The following ERBB4 variants were observed in gnomAD, a reference collection of about 807,000 sequenced individuals.
ERBB4 encodes erb-b2 receptor tyrosine kinase 4, also known as receptor tyrosine-protein kinase erbB-4.
A neutral mutation model predicts 158.0 loss-of-function variants in ERBB4; 42 were observed. The observed-to-expected ratio is 0.27, with a 90% CI of 0.21 to 0.34. The LOEUF (loss-of-function observed/expected upper bound fraction) is 0.34. Ranked by LOEUF, ERBB4 falls within the 10% of genes least tolerant of loss-of-function variation. The pLI is 1.00. For missense variants in ERBB4, 1,333 were observed against 1,624.1 expected (o/e 0.82, Z 3.08); for synonymous variants, 583 against 558.7 (o/e 1.04, Z -0.61).
intron 19 of ERBB4, among the ~76,000 whole-genome samples, chr2:211,593,055 G>T (rs1457323651): frequency 1.3e-5 from 2 of 151,272 alleles, no homozygotes; most frequent in African/African-American, 2.4e-5. Context: ...GAAGGGGCTT[G>T]CTCCATCTTG....
chr2:212,269,683 A>G (rs2085273949), intron 1 of ERBB4, among the ~76,000 whole-genome samples: 1 of 151,860 alleles, frequency 6.6e-6, no homozygotes, highest in Admixed American at 6.6e-5. Context: ...AATGAGATTC[A>G]AAGACCCAGA....
chr2:211,840,655 G>A (rs13018117), intron 3 of ERBB4, among the ~76,000 whole-genome samples: 5,823 of 152,158 alleles, frequency 0.038, 172 homozygotes, highest in Non-Finnish European at 0.052. Flanking sequence ...TCCTAATAGT[G>A]CAAGTTCTTC....
chr2:211,958,700 C>G (rs1363201389), intron 2 of ERBB4, among the ~76,000 whole-genome samples: 2 of 152,104 alleles, frequency 1.3e-5, no homozygotes, highest in Non-Finnish European at 2.9e-5. Flanking sequence ...GTACCAATTA[C>G]TTCCTTGGTT....
chr2:211,384,996 C>T (rs1476502458), intron 27 of ERBB4, among the ~76,000 whole-genome samples: 3 of 152,010 alleles, frequency 2.0e-5, no homozygotes, highest in Admixed American at 2.0e-4. Context: ...TGTAAGTCCT[C>T]TGACAGTCCT....
chr2:211,781,453 T>C (rs1171339867), intron 4 of ERBB4, among the ~76,000 whole-genome samples: 1 of 152,192 alleles, frequency 6.6e-6, no homozygotes, highest in Non-Finnish European at 1.5e-5. Context: ...GAATGAGTGA[T>C]GTACCTGGCG....
chr2:211,924,946 C>A (rs940237831), intron 3 of ERBB4, among the ~76,000 whole-genome samples: 9 of 152,082 alleles, frequency 5.9e-5, no homozygotes, highest in Non-Finnish European at 7.4e-5. Context: ...TTAGGAAATA[C>A]TTTTTTTCCC....
intron 1 of ERBB4, among the ~76,000 whole-genome samples, chr2:212,251,911 A>G (rs2084549744): frequency 6.6e-6 from 1 of 151,980 alleles, no homozygotes; most frequent in African/African-American, 2.4e-5. Context: ...TTTTATACTG[A>G]CAATGGATCA....
At chr2:212,125,098 C>G (rs1037095067) in intron 1 of ERBB4, 195 bp from the exon 2 acceptor site, 1 of 610,588 alleles carries the variant, frequency 1.6e-6, no homozygotes, top group Non-Finnish European at 2.9e-6. Flanking sequence ...ATTACATGTG[C>G]TAATCACAGA....
At chr2:211,984,809 G>A (rs548737798) in intron 2 of ERBB4, among the ~76,000 whole-genome samples, 4 of 151,792 alleles carry the variant, frequency 2.6e-5, no homozygotes, top group East Asian at 1.9e-4. Flanking sequence ...TGCAACCTCC[G>A]CCTCCCAGGT....
chr2:211,504,418 G>A (rs2065693505), intron 20 of ERBB4, among the ~76,000 whole-genome samples: 1 of 151,428 alleles, frequency 6.6e-6, no homozygotes, highest in South Asian at 2.1e-4. Context: ...TACCCAACAT[G>A]TGCAACAGCT....
rs1553612464 is a variant in ERBB4 at position 212,293,861 on chromosome 2, A to AAC, written c.83-168959_83-168958insGT. On this transcript the variant is annotated intron_variant, in intron 1 of 27. Coordinates refer to ENST00000342788, the MANE Select transcript of ERBB4 (RefSeq NM_005235.3). ...AGACTCTGTCTCAAAAAAAAAAACAAAAAAAAAAAAAACATACATTTGTAA... is the reference window on the plus strand; with the variant it reads ...AGACTCTGTCTCAAAAAAAAAAACAAACAAAAAAAAAAAACATACATTTGTAA... Among the ~76,000 whole-genome samples the AAC allele has an allele frequency of 3.3e-5, 5 of 149,582 alleles. No individual in the cohort carries two copies. In the East Asian group the frequency reaches 9.8e-4, roughly 29 times the overall value.
At chr2:211,464,389 G>T (rs1315435483) in intron 20 of ERBB4, among the ~76,000 whole-genome samples, 2 of 152,118 alleles carry the variant, frequency 1.3e-5, no homozygotes, top group African/African-American at 4.8e-5. Flanking sequence ...CAGCCCTTTT[G>T]TCAGAAAAAT....
At chr2:212,163,170 T>C (rs191421843) in intron 1 of ERBB4, among the ~76,000 whole-genome samples, 128 of 152,070 alleles carry the variant, frequency 8.4e-4, no homozygotes, top group African/African-American at 3.1e-3. Context: ...TTAATATCAA[T>C]ATGCTAAGAA....
At position 211,919,838 on chromosome 2, in the gene ERBB4, A is replaced by C. The variant is rs554748560; in HGVS notation, c.421+27592T>G. ...ATGTAGACATACTTTCATATGCTGC[A>C]AGGAAAAATTCTATGACCTCTTCCA... On this transcript the variant is annotated intron_variant, in intron 3 of 27. Coordinates refer to ENST00000342788, the MANE Select transcript of ERBB4 (RefSeq NM_005235.3). 5.3e-5 allele frequency among the ~76,000 whole-genome samples: 8 copies of C among 152,106 alleles called. No individual in the cohort carries two copies. The South Asian group carries it at 1.7e-3, about 32-fold the overall frequency.
chr2:211,459,665 G>A (rs1320940299), intron 20 of ERBB4, among the ~76,000 whole-genome samples: 2 of 152,140 alleles, frequency 1.3e-5, no homozygotes, highest in Admixed American at 1.3e-4. Flanking sequence ...TGCCATGTAA[G>A]ATGTGCCTTT....
chr2:212,235,386 G>A (rs748247192), intron 1 of ERBB4, among the ~76,000 whole-genome samples: 5 of 152,122 alleles, frequency 3.3e-5, no homozygotes, highest in Non-Finnish European at 2.9e-5. Flanking sequence ...TAGCTTTGTA[G>A]TATTGCTTGA....
chr2:211,490,371 GC>G (rs1321399724), intron 20 of ERBB4, among the ~76,000 whole-genome samples: 2 of 151,970 alleles, frequency 1.3e-5, no homozygotes. Flanking sequence ...TTCCTTGATA[GC>G]CTTTCTTTCC....
intron 2 of ERBB4, among the ~76,000 whole-genome samples, chr2:212,081,436 C>G (rs533994992): frequency 6.6e-6 from 1 of 152,224 alleles, no homozygotes; most frequent in Non-Finnish European, 1.5e-5. Context: ...TCCTGGATGA[C>G]AGTGCGGTAC....
chr2:211,471,063 T>C (rs374572409), intron 20 of ERBB4, among the ~76,000 whole-genome samples: 2 of 152,096 alleles, frequency 1.3e-5, no homozygotes, highest in African/African-American at 2.4e-5. Context: ...GAAAGTAGTA[T>C]GGCTACCGAA....
Sources: gnomAD v4.1 joint callset for allele counts (sites outside exome capture counted in the v4.1 genomes callset) on GRCh38, gnomAD v4.1.1 for gene constraint, MANE v1.5 for transcripts, NCBI Gene and HGNC (gene_info 2026-07-23, HGNC 2026-07-21) for gene names.